The following DAPK2 variants were observed in gnomAD, a reference collection of about 807,000 sequenced individuals.
DAPK2 encodes death associated protein kinase 2, also known as death-associated protein kinase 2.
In DAPK2, 35 loss-of-function variants were observed where a neutral mutation model predicts 44.1. The observed-to-expected ratio is 0.79, with a 90% confidence interval of 0.61 to 1.05. The LOEUF is 1.05. Ranked by LOEUF, DAPK2 falls within the 50% of genes least tolerant of loss-of-function variation. The pLI is 0.00. For synonymous variants in DAPK2, 174 were observed against 182.6 expected (o/e 0.95, Z 0.38); for missense variants, 453 against 483.2 (o/e 0.94, Z 0.59).
intron 4 of DAPK2, among the ~76,000 whole-genome samples, chr15:63,931,591 G>T (rs2079558339): frequency 6.6e-6 from 1 of 152,138 alleles, no homozygotes; most frequent in Admixed American, 6.5e-5. Flanking sequence ...ATTCCTGGGG[G>T]TCCCTGAGAC....
At chr15:64,042,269 C>T (rs899623876), upstream of DAPK2, among the ~76,000 whole-genome samples, 8 of 152,150 alleles carry the variant, frequency 5.3e-5, no homozygotes, top group Non-Finnish European at 7.3e-5. The surrounding 1 kb of genome is among the most constrained non-coding windows in gnomAD (Gnocchi z 4.7). Flanking sequence ...AAGCTCGACG[C>T]CCCTCATCCC....
intron 1 of DAPK2, among the ~76,000 whole-genome samples, chr15:64,026,224 T>C (rs1396642163): frequency 1.3e-5 from 2 of 152,096 alleles, no homozygotes; most frequent in Non-Finnish European, 2.9e-5. Context: ...GCTGAGGTGA[T>C]AGGGTAACTC....
intron 8 of DAPK2, among the ~76,000 whole-genome samples, chr15:63,913,298 T>G (rs970583104): frequency 1.3e-5 from 2 of 152,232 alleles, no homozygotes; most frequent in Admixed American, 6.5e-5. Flanking sequence ...CACAACCTTG[T>G]GAGTATACTA....
At chr15:63,932,701 A>C (rs2077007235) in intron 4 of DAPK2, 1 of 152,286 alleles carries the variant, frequency 6.6e-6, no homozygotes, top group East Asian at 1.9e-4. Flanking sequence ...AAACAATATC[A>C]AAACCATTGC....
chr15:63,929,427 C>A (rs765687107), intron 6 of DAPK2, 124 bp downstream of exon 7: 4 of 1,289,796 alleles, frequency 3.1e-6, no homozygotes, highest in Non-Finnish European at 4.4e-6. Flanking sequence ...GCTGTGTGGA[C>A]TTAACACATC....
chr15:64,026,521 G>A (rs2141114722), intron 1 of DAPK2, among the ~76,000 whole-genome samples: 1 of 152,324 alleles, frequency 6.6e-6, no homozygotes, highest in South Asian at 2.1e-4. Context: ...TGGGATTACA[G>A]GAGTGAGCCA....
chr15:64,032,097 A>G (rs1308447884), intron 1 of DAPK2, among the ~76,000 whole-genome samples: 8 of 152,230 alleles, frequency 5.3e-5, no homozygotes, highest in Non-Finnish European at 1.5e-5. Context: ...TGGACACCAC[A>G]GTAGAGGAGA....
intron 1 of DAPK2, among the ~76,000 whole-genome samples, chr15:63,993,721 C>A (rs2078876574): frequency 1.3e-5 from 2 of 152,130 alleles, no homozygotes. Flanking sequence ...CTACCACCAA[C>A]TTCCAAGCTT....
intron 1 of DAPK2, among the ~76,000 whole-genome samples, chr15:64,039,313 T>C (rs868578722): frequency 6.6e-6 from 1 of 152,248 alleles, no homozygotes; most frequent in Non-Finnish European, 1.5e-5. Context: ...AGTGTACAAG[T>C]GCCAAGCTCA....
rs1267140438 is a variant in DAPK2 at position 63,973,933 on chromosome 15, G to GC, written c.315-2373dup. On this transcript the variant is annotated intron_variant, in intron 2 of 10. Transcript: ENST00000261891. ...CAAAAGAAGCAGACTGAGCAAGACA[G>GC]CCCCAAAGCCCCCTTTCTTCAATTT... Among the ~76,000 whole-genome samples the GC allele has an allele frequency of 2.6e-5, 4 of 152,178 alleles. No individual in the cohort carries two copies. The East Asian group carries it at 7.7e-4, about 29-fold the overall frequency.
intron 2 of DAPK2, among the ~76,000 whole-genome samples, chr15:63,978,000 A>T (rs1039424237): frequency 6.6e-6 from 1 of 152,226 alleles, no homozygotes; most frequent in South Asian, 2.1e-4. Flanking sequence ...CTCTCCTCAC[A>T]GTGGGCTTCA....
At chr15:64,032,050 A>C (rs1366499407) in intron 1 of DAPK2, among the ~76,000 whole-genome samples, 1 of 152,206 alleles carries the variant, frequency 6.6e-6, no homozygotes, top group African/African-American at 2.4e-5. Flanking sequence ...GAGTATCTGT[A>C]GGTGTTAAGC....
At chr15:63,984,079 T>C (rs2078606561) in intron 1 of DAPK2, among the ~76,000 whole-genome samples, 1 of 152,158 alleles carries the variant, frequency 6.6e-6, no homozygotes, top group African/African-American at 2.4e-5. Context: ...AACCCAAGTC[T>C]AGGACCCACC....
chr15:63,998,946 C>T (rs554708834), intron 1 of DAPK2, among the ~76,000 whole-genome samples: 5 of 152,336 alleles, frequency 3.3e-5, no homozygotes, highest in African/African-American at 1.2e-4. Flanking sequence ...GCAGCTTCCT[C>T]GCAAATCTTC....
At chr15:64,009,834 C>T (rs769290802) in intron 1 of DAPK2, among the ~76,000 whole-genome samples, 1 of 152,120 alleles carries the variant, frequency 6.6e-6, no homozygotes, top group African/African-American at 2.4e-5. Context: ...CCACCACACC[C>T]ACTGTAAGAG....
At chr15:64,026,650 C>T (rs771484417) in intron 1 of DAPK2, among the ~76,000 whole-genome samples, 4 of 152,196 alleles carry the variant, frequency 2.6e-5, no homozygotes, top group African/African-American at 7.2e-5. Context: ...GTACCTGCTT[C>T]GCCAAATGGT....
Position 63,912,035 on chromosome 15 carries a change from T to G in DAPK2, c.949-44A>C. 1 of 1,600,166 alleles carries G rather than the reference T, an allele frequency of 6.2e-7. No homozygotes were observed. Among genetic ancestry groups the G allele is most frequent in the Non-Finnish European group, 8.5e-7 (1 of 1,173,154 alleles). ...AGGAATCCCCAGGTGAGAATGTGCATGGAGACCCTGGAGAGCCAGAAACCC... is the reference window on the plus strand; with the variant it reads ...AGGAATCCCCAGGTGAGAATGTGCAGGGAGACCCTGGAGAGCCAGAAACCC... On this transcript the variant is annotated intron_variant, in intron 9 of 10. Coordinates refer to ENST00000261891, the Ensembl canonical transcript of DAPK2. This position sits in a 1 kb window ranked among gnomAD's most constrained non-coding sequence, Gnocchi z 4.4.
At chr15:64,040,566 G>T (rs1387431779), upstream of DAPK2, among the ~76,000 whole-genome samples, 1 of 151,976 alleles carries the variant, frequency 6.6e-6, no homozygotes, top group African/African-American at 2.4e-5. Context: ...TCAGCTATTT[G>T]TTTTCATTAA....
chr15:63,991,375 G>T (rs771167829), intron 1 of DAPK2: 16 of 455,564 alleles, frequency 3.5e-5, no homozygotes, highest in South Asian at 2.3e-4. Flanking sequence ...AGGGCACAGG[G>T]CTGCCTAATA....
Sources: gnomAD v4.1 joint callset for allele counts (sites outside exome capture counted in the v4.1 genomes callset) on GRCh38, gnomAD v4.1.1 for gene constraint, Gnocchi (gnomAD v3.1) non-coding constraint, MANE v1.5 for transcripts, NCBI Gene and HGNC (gene_info 2026-07-23, HGNC 2026-07-21) for gene names.